Variants in KLF10 observed in about 807,000 individuals in gnomAD.
KLF10 encodes KLF transcription factor 10.
In KLF10, 17 loss-of-function variants were observed where a neutral mutation model predicts 31.6. The observed-to-expected ratio is 0.54, with a 90% confidence interval of 0.37 to 0.81. The LOEUF (loss-of-function observed/expected upper bound fraction) is 0.81. KLF10 is among the 30% of genes least tolerant of loss of function. KLF10 has a pLI of 0.00. For synonymous variants in KLF10, 239 were observed against 215.1 expected (o/e 1.11, Z -0.97); for missense variants, 525 against 598.1 (o/e 0.88, Z 1.27).
At position 102,649,254 on chromosome 8, in the gene KLF10, G is replaced by T. The variant is rs1338455026; in HGVS notation, c.*878C>A. On this transcript the variant is annotated 3_prime_UTR_variant, in exon 4 of 4. Transcript: ENST00000285407. ...TGACATAAGCCATCTTTTTCAAGAA[G>T]TTATCTAAGATTCTTAATATCCCTT... 1 of 152,420 alleles carries T rather than the reference G, an allele frequency of 6.6e-6. No homozygotes were observed. Among genetic ancestry groups the T allele is most frequent in the Admixed American group, 6.5e-5 (1 of 15,286 alleles). 9.4% of individuals were successfully genotyped at this position (152,420 alleles called of 1,614,324 possible). A position where few individuals can be genotyped will look rare whatever the true frequency, so the allele number is the denominator to read the frequency against.
Position 102,651,804 on chromosome 8 carries a change from G to C in KLF10, c.528C>G (p.Ser176Arg). Reference sequence around the variant, plus strand: ...AAGAATTGTTCTGATAGTTGAGGATGCTGGCTGCTTTCATTGGGCAGGTCT... The same window carrying C: ...AAGAATTGTTCTGATAGTTGAGGATCCTGGCTGCTTTCATTGGGCAGGTCT... ...NHQTCPMKAA[S>R]ILNYQNNSFR... is the part of the protein sequence containing the mutation. The change falls in exon 3 of 4, where the codon AGC becomes AGG. Residue 176 changes from serine (S) to arginine (R), a missense_variant. This residue lies in a region of KLF10 where 434 missense variants were observed against 450.7 expected (regional missense o/e 0.96). Coordinates refer to ENST00000285407, the MANE Select transcript of KLF10 (RefSeq NM_005655.4). 1.2e-6 allele frequency: 2 copies of C among 1,614,222 alleles called. No individual in the cohort carries two copies. The highest frequency in any genetic ancestry group is 1.7e-6 in the Non-Finnish European group (2 of 1,180,040).
rs752254295 is a variant in KLF10, at chr8:102,655,555, A to T, written c.36+11T>A. ...GGCGAGGAAGCACAGGGGCATCCCC[A>T]AATGACTTACCGCAGTCTGCTGGAG... On this transcript the variant is annotated intron_variant, in intron 1 of 3. Coordinates refer to ENST00000285407, the MANE Select transcript of KLF10 (RefSeq NM_005655.4). 9.3e-6 allele frequency: 15 copies of T among 1,614,010 alleles called. No individual in the cohort carries two copies. Among genetic ancestry groups the T allele is most frequent in the Non-Finnish European group, 8.5e-7 (1 of 1,180,002 alleles).
rs28566564 is a variant in KLF10, at chr8:102,651,766, G to A, written c.566C>T (p.Thr189Ile). 6.2e-7 allele frequency: 1 copy of A among 1,614,224 alleles called. No individual in the cohort carries two copies. The highest frequency in any genetic ancestry group is 8.5e-7 in the Non-Finnish European group (1 of 1,180,036). The change falls in exon 3 of 4, where the codon ACC becomes ATC. Residue 189 changes from threonine (T) to isoleucine (I), a missense_variant. Physicochemically the swap from Thr to Ile is moderately conservative, Grantham distance 89 (BLOSUM62 -1). Around this residue, in one of 3 missense-constraint regions of KLF10, gnomAD observed 434 missense variants for 450.7 expected, o/e 0.96. Transcript: ENST00000285407. ...NYQNNSFRRR[T>I]HLNVEAARKN... ...TCTTGCAGCCTCAACATTTAGGTGG[G>A]TTCTTCTTCTAAAAGAATTGTTCTG... is the stretch of plus-strand genomic sequence containing the variant.
intron 1 of KLF10, among the ~76,000 whole-genome samples, chr8:102,655,124 G>A (rs575553373): frequency 6.6e-6 from 1 of 152,038 alleles, no homozygotes; most frequent in Non-Finnish European, 1.5e-5. Context: ...CCTGGCTCGC[G>A]TTCCTGAGCC....
intron 1 of KLF10, 52 bp downstream of exon 1, chr8:102,655,514 C>T: frequency 6.2e-7 from 1 of 1,610,666 alleles, no homozygotes; most frequent in African/African-American, 1.3e-5. Context: ...CCCCTTTGGC[C>T]CCCCAGACAA....
intron 2 of KLF10, 48 bp downstream of exon 2, chr8:102,652,116 T>C (rs775056719): frequency 6.8e-7 from 1 of 1,472,566 alleles, no homozygotes; most frequent in East Asian, 2.5e-5. Flanking sequence ...TATATAAATT[T>C]TAAGAAATTA....
At chr8:102,653,714 C>A in intron 1 of KLF10, 1 of 1,208,930 alleles carries the variant, frequency 8.3e-7, no homozygotes. Flanking sequence ...GGACAGCGCG[C>A]GTGTGTGTAA....
Position 102,651,333 on chromosome 8 carries a change from C to T in KLF10, c.999G>A (p.Val333=). 6.3e-7 allele frequency: 1 copy of T among 1,596,840 alleles called. No homozygotes were observed. Among genetic ancestry groups the T allele is most frequent in the Non-Finnish European group, 8.5e-7 (1 of 1,171,638 alleles). Reference sequence around the variant, plus strand: ...AGAGTCTGGTGCCATTCGGGCTCACCACCGGAGGCTTTGAACTCTGCACAA... The same window carrying T: ...AGAGTCTGGTGCCATTCGGGCTCACTACCGGAGGCTTTGAACTCTGCACAA... ...QPVVQSSKPP[V]VSPNGTRLSP... is the part of the protein sequence containing the mutation. The change falls in exon 3 of 4, where the codon GTG becomes GTA. Residue 333 remains valine (V), a synonymous_variant. Transcript: ENST00000285407.
At chr8:102,654,014 C>A in intron 1 of KLF10, 5 of 983,824 alleles carry the variant, frequency 5.1e-6, no homozygotes, top group Non-Finnish European at 6.0e-6. Flanking sequence ...TCGCACGTCC[C>A]CGCGCCCCTG....
rs767017322 is a variant in KLF10 at position 102,652,020 on chromosome 8, A to G, written c.312T>C (p.Ser104=). 1.4e-5 allele frequency: 22 copies of G among 1,612,634 alleles called. No homozygotes were observed. The highest frequency in any genetic ancestry group is 1.8e-5 in the Non-Finnish European group (21 of 1,179,542). ...CTGGTGCCATCAGATTTGACACTTG[A>G]GAGGGTTCAAAGTCAGAAGGACTGT... ...PPYSPSDFEP[S]QVSNLMAPAP... The change falls in exon 3 of 4, where the codon TCT becomes TCC. Residue 104 remains serine (S), a synonymous_variant. Coordinates refer to ENST00000285407, the MANE Select transcript of KLF10 (RefSeq NM_005655.4).
Position 102,655,715 on chromosome 8 carries a change from G to A in KLF10, c.-114C>T, listed in dbSNP as rs563448184. On this transcript the variant is annotated 5_prime_UTR_variant, in exon 1 of 4. Coordinates refer to ENST00000285407, the MANE Select transcript of KLF10 (RefSeq NM_005655.4). ...GCCGCTCCCGCCGCCGCCGCGCTCAGCGCCGTCTGCCCCCTCCCCATTCAG... is the reference window on the plus strand; with the variant it reads ...GCCGCTCCCGCCGCCGCCGCGCTCAACGCCGTCTGCCCCCTCCCCATTCAG... The A allele has an allele frequency of 3.8e-5, 47 of 1,234,772 alleles. No individual in the cohort carries two copies. In the East Asian group the frequency reaches 1.1e-3, roughly 30 times the overall value. The allele number at this position is 1,234,772 out of a possible 1,614,324, so 76.5% of individuals were successfully genotyped here.
Position 102,651,796 on chromosome 8 carries a change from T to G in KLF10, c.536A>C (p.Asn179Thr), listed in dbSNP as rs1455624376. ...TCPMKAASIL[N>T]YQNNSFRRRT... ...TCTTCTAAAAGAATTGTTCTGATAGTTGAGGATGCTGGCTGCTTTCATTGG... is the reference window on the plus strand; with the variant it reads ...TCTTCTAAAAGAATTGTTCTGATAGGTGAGGATGCTGGCTGCTTTCATTGG... Residue 179 changes from asparagine (N) to threonine (T), a missense_variant, in exon 3 of 4, where the codon AAC (asparagine) becomes ACC (threonine). Physicochemically the swap from Asn to Thr is moderately conservative, Grantham distance 65. Coordinates refer to ENST00000285407, the MANE Select transcript of KLF10 (RefSeq NM_005655.4). The G allele has an allele frequency of 6.2e-7, 1 of 1,614,190 alleles. No individual in the cohort carries two copies. The highest frequency in any genetic ancestry group is 1.1e-5 in the South Asian group (1 of 91,086).
intron 1 of KLF10, among the ~76,000 whole-genome samples, 183 bp from the exon 2 acceptor site, chr8:102,652,580 G>C (rs531937525): frequency 7.6e-4 from 115 of 150,882 alleles, no homozygotes; most frequent in Admixed American, 1.9e-3. Flanking sequence ...ACACTTGTTA[G>C]GTAGGTAACC....
rs1241072560 is a variant in KLF10, at chr8:102,651,777, A to G, written c.555T>C (p.Phe185=). The stretch of plus-strand genomic sequence containing the variant: ...CAACATTTAGGTGGGTTCTTCTTCT[A>G]AAAGAATTGTTCTGATAGTTGAGGA... ...ASILNYQNNS[F]RRRTHLNVEA... Residue 185 remains phenylalanine (F), a synonymous_variant, in exon 3 of 4, where the codon TTT becomes TTC. Transcript: ENST00000285407. The G allele has an allele frequency of 5.6e-6, 9 of 1,614,096 alleles. No homozygotes were observed. The highest frequency in any genetic ancestry group is 1.1e-5 in the South Asian group (1 of 91,088).
Position 102,649,614 on chromosome 8 carries a change from C to T in KLF10, c.*518G>A, listed in dbSNP as rs770078734. The T allele has an allele frequency of 1.3e-5, 2 of 159,292 alleles. No individual in the cohort carries two copies. Among genetic ancestry groups the T allele is most frequent in the Non-Finnish European group, 2.8e-5 (2 of 71,484 alleles). The allele number at this position is 159,292 out of a possible 1,614,324, so 9.9% of individuals were successfully genotyped here. A position where few individuals can be genotyped will look rare whatever the true frequency, so the allele number is the denominator to read the frequency against. On this transcript the variant is annotated 3_prime_UTR_variant, in exon 4 of 4. Coordinates refer to ENST00000285407, the MANE Select transcript of KLF10 (RefSeq NM_005655.4). ...TAGATATATTTAATCACTACATCCACGATGTTGACTGGAAAGACTAGGAAT... is the reference window on the plus strand; with the variant it reads ...TAGATATATTTAATCACTACATCCATGATGTTGACTGGAAAGACTAGGAAT...
chr8:102,655,673 G>A lies in KLF10; in HGVS notation c.-72C>T, dbSNP rs757038704. The A allele has an allele frequency of 3.7e-5, 58 of 1,559,780 alleles. No individual in the cohort carries two copies. The highest frequency in any genetic ancestry group is 1.7e-4 in the Middle Eastern group (1 of 5,996). ...GCTGGCTGCTTGGCCACAGACGGGC[G>A]CACGGAGACACTCGACGCCGCTCCC... On this transcript the variant is annotated 5_prime_UTR_variant, in exon 1 of 4. Coordinates refer to ENST00000285407, the MANE Select transcript of KLF10 (RefSeq NM_005655.4).
chr8:102,651,346 G>C lies in KLF10; in HGVS notation c.986C>G (p.Ser329Ter). 6.3e-7 allele frequency: 1 copy of C among 1,598,086 alleles called. No individual in the cohort carries two copies. The highest frequency in any genetic ancestry group is 8.5e-7 in the Non-Finnish European group (1 of 1,171,204). Residue 329 changes from serine to a stop codon, truncating the protein, a stop_gained, in exon 3 of 4, where the codon TCA (serine) becomes TGA (stop). Transcript: ENST00000285407. LOFTEE classifies it high-confidence loss of function. Reference sequence around the variant, plus strand: ...ATTCGGGCTCACCACCGGAGGCTTTGAACTCTGCACAACGGGCTGGGGTAC... The same window carrying C: ...ATTCGGGCTCACCACCGGAGGCTTTCAACTCTGCACAACGGGCTGGGGTAC... ...FVVPQPVVQS[S>*]KPPVVSPNGT... is the part of the protein sequence containing the mutation.
chr8:102,651,253 TGAG>T lies in KLF10; in HGVS notation c.1076_1078del (p.Pro359del), dbSNP rs747867474. The stretch of plus-strand genomic sequence containing the variant: ...ACTCCTTATCCTTGATGAATCAATC[TGAG>T]GAGTGACTTTTGCTGCTGAAGGGGA... On this transcript the variant is annotated inframe_deletion, in exon 3 of 4. Coordinates refer to ENST00000285407, the MANE Select transcript of KLF10 (RefSeq NM_005655.4). 18 of 1,604,102 alleles carry T rather than the reference TGAG, an allele frequency of 1.1e-5. No homozygotes were observed. The East Asian group carries it at 4.0e-4, about 36-fold the overall frequency.
chr8:102,655,196 C>T (rs1165182195), intron 1 of KLF10, among the ~76,000 whole-genome samples: 3 of 152,036 alleles, frequency 2.0e-5, no homozygotes, highest in African/African-American at 2.4e-5. Context: ...CCGCGACTCT[C>T]GTTCCACACT....
Sources: allele counts gnomAD v4.1 joint callset (sites outside exome capture counted in the v4.1 genomes callset), GRCh38; gene constraint gnomAD v4.1.1; regional missense constraint gnomAD v4.1.1; transcripts MANE v1.5; gene names NCBI Gene and HGNC (gene_info 2026-07-23, HGNC 2026-07-21).